The following KIRREL3 variants were observed in gnomAD, a reference collection of about 807,000 sequenced individuals.
KIRREL3 encodes kin of IRRE-like protein 3.
In KIRREL3, 36 loss-of-function variants were observed where a neutral mutation model predicts 89.7. The ratio of observed to expected loss-of-function variants is 0.40; its 90% CI spans 0.31 to 0.53. The LOEUF is 0.53. Ranked by LOEUF, KIRREL3 falls within the 20% of genes least tolerant of loss-of-function variation. The pLI, the probability that KIRREL3 is intolerant of heterozygous loss-of-function variation, is 0.49. For synonymous variants in KIRREL3, 445 were observed against 441.4 expected (o/e 1.01, Z -0.10); for missense variants, 864 against 1,056.6 (o/e 0.82, Z 2.53).
At chr11:126,434,364 AC>A (rs1436358441) in intron 13 of KIRREL3, among the ~76,000 whole-genome samples, 2 of 152,322 alleles carry the variant, frequency 1.3e-5, no homozygotes, top group East Asian at 3.9e-4. Context: ...ACTAGCATGG[AC>A]CCGGGGAGAA....
chr11:126,602,703 C>G (rs547796994), intron 1 of KIRREL3, among the ~76,000 whole-genome samples: 6 of 152,336 alleles, frequency 3.9e-5, no homozygotes, highest in Non-Finnish European at 8.8e-5. Context: ...TCACCTGGGC[C>G]AGGCTTCCAA....
At chr11:126,941,329 T>C (rs1948437264) in intron 1 of KIRREL3, among the ~76,000 whole-genome samples, 1 of 152,202 alleles carries the variant, frequency 6.6e-6, no homozygotes, top group South Asian at 2.1e-4. Flanking sequence ...CCAGTCTCAC[T>C]GTATTTGTCT....
intron 5 of KIRREL3, among the ~76,000 whole-genome samples, chr11:126,469,877 T>A (rs1956837453): frequency 6.6e-6 from 1 of 152,242 alleles, no homozygotes; most frequent in Non-Finnish European, 1.5e-5. Flanking sequence ...AGGAATCTGT[T>A]TCTCTTCCGG....
rs552626015 is a variant in KIRREL3, at chr11:126,447,828, C to T, written c.998-942G>A. ...GGAGTAACAGCACTTTCTTCGGAGG[C>T]TTCAAGGGCAAGGGGGAGGGCCAGA... On this transcript the variant is annotated intron_variant, in intron 8 of 16. Coordinates refer to ENST00000525144, the MANE Select transcript of KIRREL3 (RefSeq NM_032531.4). Among the ~76,000 whole-genome samples, 447 of 152,328 alleles carry T rather than the reference C, an allele frequency of 2.9e-3. 1 individual carries two copies. Among genetic ancestry groups the T allele is most frequent in the African/African-American group, 0.01 (426 of 41,568 alleles).
intron 10 of KIRREL3, among the ~76,000 whole-genome samples, chr11:126,444,234 G>A (rs1222372853): frequency 6.6e-6 from 1 of 152,108 alleles, no homozygotes; most frequent in African/African-American, 2.4e-5. Flanking sequence ...CCCTCAAGGG[G>A]GCCCCTGAAC....
chr11:126,483,581 T>C (rs1957276866), intron 4 of KIRREL3, among the ~76,000 whole-genome samples: 2 of 152,212 alleles, frequency 1.3e-5, no homozygotes, highest in South Asian at 2.1e-4. Context: ...GTGACTGTTC[T>C]GGAAGCTCGG....
At chr11:126,929,365 C>T (rs1947845757) in intron 1 of KIRREL3, among the ~76,000 whole-genome samples, 1 of 151,990 alleles carries the variant, frequency 6.6e-6, no homozygotes, top group Non-Finnish European at 1.5e-5. Flanking sequence ...CTTGTGGGTG[C>T]TGAGGGTGTG....
At chr11:126,478,527 GTATA>G (rs1565486840) in intron 4 of KIRREL3, among the ~76,000 whole-genome samples, 2 of 152,050 alleles carry the variant, frequency 1.3e-5, no homozygotes, top group Non-Finnish European at 2.9e-5. Flanking sequence ...ATGTGTGTGT[GTATA>G]TATGTGTGTA....
chr11:126,684,615 G>A lies in KIRREL3; in HGVS notation c.56-121703C>T, dbSNP rs921819912. ...GACTCACTGATGATCAAAAAAGAGA[G>A]GACACTTAGAATTAAATTCATTTCT... On this transcript the variant is annotated intron_variant, in intron 1 of 16. Coordinates refer to ENST00000525144, the MANE Select transcript of KIRREL3 (RefSeq NM_032531.4). This position sits in a 1 kb window ranked among gnomAD's most constrained non-coding sequence, Gnocchi z 4.2. Among the ~76,000 whole-genome samples, 1 of 152,174 alleles carries A rather than the reference G, an allele frequency of 6.6e-6. No individual in the cohort carries two copies.
intron 1 of KIRREL3, among the ~76,000 whole-genome samples, chr11:126,934,543 T>C (rs1346398538): frequency 6.6e-6 from 1 of 152,166 alleles, no homozygotes; most frequent in African/African-American, 2.4e-5. Flanking sequence ...CCATGAATCA[T>C]ATACTTGATA....
At chr11:126,979,831 G>A (rs564294604) in intron 1 of KIRREL3, among the ~76,000 whole-genome samples, 1 of 152,308 alleles carries the variant, frequency 6.6e-6, no homozygotes, top group African/African-American at 2.4e-5. Flanking sequence ...GCAAGGGCTG[G>A]ACCAGAAGGA....
At chr11:126,865,183 C>T (rs554595553) in intron 1 of KIRREL3, among the ~76,000 whole-genome samples, 2 of 152,346 alleles carry the variant, frequency 1.3e-5, no homozygotes, top group East Asian at 3.9e-4. Flanking sequence ...ACCCATTTAC[C>T]ATCTGTAGCT....
intron 1 of KIRREL3, among the ~76,000 whole-genome samples, chr11:126,869,491 A>G (rs1224043805): frequency 6.6e-6 from 1 of 152,178 alleles, no homozygotes. Flanking sequence ...AGGACATGGT[A>G]GTCTTTAATA....
rs916844746 is a variant in KIRREL3, at chr11:126,551,065, A to G, written c.133+11770T>C. Among the ~76,000 whole-genome samples the G allele has an allele frequency of 1.3e-5, 2 of 152,170 alleles. No homozygotes were observed. The highest frequency in any genetic ancestry group is 3.9e-4 in the East Asian group (2 of 5,194). ...AGTGGCACGAAGACCTCAGGGAAACACTTACCTATGTTTACAGTTTATTCT... is the reference window on the plus strand; with the variant it reads ...AGTGGCACGAAGACCTCAGGGAAACGCTTACCTATGTTTACAGTTTATTCT... On this transcript the variant is annotated intron_variant, in intron 2 of 16. Transcript: ENST00000525144. This position sits in a 1 kb window ranked among gnomAD's most constrained non-coding sequence, Gnocchi z 4.9.
chr11:126,877,513 C>T lies in KIRREL3; in HGVS notation c.55+122942G>A, dbSNP rs1404017915. Among the ~76,000 whole-genome samples, 2 of 152,190 alleles carry T rather than the reference C, an allele frequency of 1.3e-5. No homozygotes were observed. Among genetic ancestry groups the T allele is most frequent in the East Asian group, 1.9e-4 (1 of 5,196 alleles). ...ACTTCCCTCCCCAACTTCCCATCCA[C>T]ACCTATATGGACACAAGGTCTACCT... On this transcript the variant is annotated intron_variant, in intron 1 of 16. Coordinates refer to ENST00000525144, the MANE Select transcript of KIRREL3 (RefSeq NM_032531.4). The surrounding 1 kb of genome is among the most constrained non-coding windows in gnomAD (Gnocchi z 4.9).
At chr11:126,741,469 G>T (rs1948980356) in intron 1 of KIRREL3, among the ~76,000 whole-genome samples, 1 of 152,116 alleles carries the variant, frequency 6.6e-6, no homozygotes, top group Admixed American at 6.5e-5. Context: ...GATATCCCAT[G>T]CCCATGTGTT....
rs1004325398 is a variant in KIRREL3 at position 126,776,370 on chromosome 11, G to A, written c.56-213458C>T. Among the ~76,000 whole-genome samples, 4 of 152,164 alleles carry A rather than the reference G, an allele frequency of 2.6e-5. No individual in the cohort carries two copies. The highest frequency in any genetic ancestry group is 4.1e-4 in the South Asian group (2 of 4,828). ...CACCTGGGCTTCAGGTCTGTCTTACGCAAGTCATGAAACCTCACTGAACCA... is the reference window on the plus strand; with the variant it reads ...CACCTGGGCTTCAGGTCTGTCTTACACAAGTCATGAAACCTCACTGAACCA... On this transcript the variant is annotated intron_variant, in intron 1 of 16. Transcript: ENST00000525144. The surrounding 1 kb of genome is among the most constrained non-coding windows in gnomAD (Gnocchi z 4.7).
At chr11:127,001,705 G>T (rs1950318103), upstream of KIRREL3, among the ~76,000 whole-genome samples, 1 of 151,868 alleles carries the variant, frequency 6.6e-6, no homozygotes. Context: ...ATTTATCTGG[G>T]TCTATTTACT....
At chr11:126,894,823 A>G (rs1205894279) in intron 1 of KIRREL3, among the ~76,000 whole-genome samples, 1 of 152,122 alleles carries the variant, frequency 6.6e-6, no homozygotes, top group Non-Finnish European at 1.5e-5. Flanking sequence ...AGTGGGCCTG[A>G]TCTATTCAGT....
Sources: allele counts gnomAD v4.1 joint callset (sites outside exome capture counted in the v4.1 genomes callset), GRCh38; gene constraint gnomAD v4.1.1; non-coding constraint Gnocchi (gnomAD v3.1); transcripts MANE v1.5; gene names NCBI Gene and HGNC (gene_info 2026-07-23, HGNC 2026-07-21).